VAT1L: variants seen among roughly 807,000 people sequenced by gnomAD.
The protein encoded by VAT1L is putative NADPH-dependent quinone oxidoreductase VAT1L.
In VAT1L, 34 loss-of-function variants were observed where a neutral mutation model predicts 44.1. That is an observed-to-expected ratio of 0.77 (90% CI 0.59 to 1.03). The LOEUF is 1.03. Among genes scored for constraint, VAT1L ranks in the 50% least tolerant of loss-of-function variants. The pLI, the probability that VAT1L is intolerant of heterozygous loss-of-function variation, is 0.00. For synonymous variants in VAT1L, 253 were observed against 202.2 expected (o/e 1.25, Z -2.13); for missense variants, 615 against 538.8 (o/e 1.14, Z -1.40).
Position 77,850,679 on chromosome 16 carries a change from C to T in VAT1L, c.580-12069C>T, listed in dbSNP as rs182557941. Among the ~76,000 whole-genome samples the T allele has an allele frequency of 6.6e-5, 10 of 151,822 alleles. No homozygotes were observed. In the East Asian group the frequency reaches 1.2e-3, roughly 18 times the overall value. Reference sequence around the variant, plus strand: ...TTTGTTTTCTTTTGGTTGAAAGAGACGCATTTATCAAAACCACAACTTCAA... The same window carrying T: ...TTTGTTTTCTTTTGGTTGAAAGAGATGCATTTATCAAAACCACAACTTCAA... On this transcript the variant is annotated intron_variant, in intron 3 of 8. Transcript: ENST00000302536.
intron 3 of VAT1L, among the ~76,000 whole-genome samples, chr16:77,843,153 C>T (rs78644833): frequency 6.6e-6 from 1 of 152,320 alleles, no homozygotes; most frequent in East Asian, 1.9e-4. Flanking sequence ...AAGGGGACAG[C>T]AGGTACGGGT....
chr16:77,903,695 A>G (rs2017408358), intron 7 of VAT1L, among the ~76,000 whole-genome samples: 1 of 148,272 alleles, frequency 6.7e-6, no homozygotes, highest in Non-Finnish European at 1.5e-5. Flanking sequence ...TTTTAAAATT[A>G]TTAGGTTGGT....
chr16:77,805,651 C>G (rs2145220573), intron 1 of VAT1L, among the ~76,000 whole-genome samples: 1 of 151,086 alleles, frequency 6.6e-6, no homozygotes. Context: ...GGTTAAAGTT[C>G]CGAGGCAGAG....
chr16:77,920,062 C>T (rs2017595220), intron 7 of VAT1L, among the ~76,000 whole-genome samples: 1 of 152,036 alleles, frequency 6.6e-6, no homozygotes, highest in African/African-American at 2.4e-5. Flanking sequence ...CCAGCCTGGG[C>T]TACAAAGACT....
At chr16:77,855,744 A>G (rs1402988813) in intron 3 of VAT1L, among the ~76,000 whole-genome samples, 2 of 152,172 alleles carry the variant, frequency 1.3e-5, no homozygotes, top group African/African-American at 4.8e-5. Context: ...CTCATTATAT[A>G]GCACTGTAGT....
At chr16:77,958,806 T>C (rs1597121459) in intron 7 of VAT1L, among the ~76,000 whole-genome samples, 1 of 152,208 alleles carries the variant, frequency 6.6e-6, no homozygotes, top group Non-Finnish European at 1.5e-5. Context: ...CCTTGCTTTT[T>C]GCTTTCTCTT....
chr16:77,911,433 C>A (rs1389778553), intron 7 of VAT1L, among the ~76,000 whole-genome samples: 1 of 152,152 alleles, frequency 6.6e-6, no homozygotes, highest in Non-Finnish European at 1.5e-5. Flanking sequence ...TTCATAAAAA[C>A]AGGCCCCTGC....
chr16:77,814,768 C>T (rs545191780), intron 1 of VAT1L, among the ~76,000 whole-genome samples: 3 of 152,146 alleles, frequency 2.0e-5, no homozygotes, highest in Non-Finnish European at 2.9e-5. Flanking sequence ...GTCAGAAAAT[C>T]GGCCATTTTA....
chr16:77,910,288 G>A (rs1011805137), intron 7 of VAT1L, among the ~76,000 whole-genome samples: 1 of 152,266 alleles, frequency 6.6e-6, no homozygotes, highest in East Asian at 1.9e-4. Context: ...CAGATGTCCA[G>A]TTAAAGCTAA....
At chr16:77,928,896 A>C (rs2017698327) in intron 7 of VAT1L, among the ~76,000 whole-genome samples, 1 of 152,210 alleles carries the variant, frequency 6.6e-6, no homozygotes, top group East Asian at 1.9e-4. Context: ...AGCTCACTGC[A>C]ACCTCCCCTT....
intron 3 of VAT1L, among the ~76,000 whole-genome samples, chr16:77,854,776 G>A (rs2016841308): frequency 6.6e-6 from 1 of 152,108 alleles, no homozygotes; most frequent in African/African-American, 2.4e-5. Context: ...CTACATTAAT[G>A]ATCTGTGGTT....
intron 3 of VAT1L, among the ~76,000 whole-genome samples, chr16:77,844,789 C>G (rs770163783): frequency 7.9e-5 from 12 of 152,212 alleles, no homozygotes; most frequent in African/African-American, 2.9e-4. Flanking sequence ...CACAAGGATA[C>G]TGGGGATGGC....
intron 3 of VAT1L, among the ~76,000 whole-genome samples, chr16:77,839,237 A>AGAAT (rs2145257827): frequency 6.6e-6 from 1 of 152,110 alleles, no homozygotes; most frequent in South Asian, 2.1e-4. Context: ...CAGTGTTTTA[A>AGAAT]GAATGGGCAA....
chr16:77,824,746 A>C (rs1422431246), intron 2 of VAT1L, among the ~76,000 whole-genome samples: 1 of 125,188 alleles, frequency 8.0e-6, no homozygotes, highest in African/African-American at 2.9e-5. Flanking sequence ...ACAGAGCGAG[A>C]CTCCATCTCA....
intron 7 of VAT1L, among the ~76,000 whole-genome samples, chr16:77,948,270 T>C (rs1407583271): frequency 6.6e-6 from 1 of 152,154 alleles, no homozygotes; most frequent in Non-Finnish European, 1.5e-5. Flanking sequence ...GCCTGGCACA[T>C]AGTAGGTGGA....
chr16:77,823,510 G>A (rs973509948), intron 2 of VAT1L, among the ~76,000 whole-genome samples: 1 of 152,208 alleles, frequency 6.6e-6, no homozygotes, highest in East Asian at 1.9e-4. Context: ...TCATTGTGAT[G>A]TCATGGAAAA....
At chr16:77,892,501 C>G in intron 7 of VAT1L, 1 of 550,862 alleles carries the variant, frequency 1.8e-6, no homozygotes, top group South Asian at 1.4e-5. Context: ...TGTTTGCAGA[C>G]AAGTTTCCAA....
chr16:77,826,531 G>C (rs1043848263), intron 3 of VAT1L, among the ~76,000 whole-genome samples: 10 of 152,328 alleles, frequency 6.6e-5, no homozygotes, highest in African/African-American at 2.4e-4. Context: ...CATCTGTCAG[G>C]TGTGTCTCTG....
intron 1 of VAT1L, among the ~76,000 whole-genome samples, chr16:77,814,582 G>A (rs1197420619): frequency 2.6e-5 from 4 of 152,204 alleles, no homozygotes; most frequent in African/African-American, 9.6e-5. Context: ...CATGTTTGCA[G>A]AAATGGCAAC....
Sources: allele counts gnomAD v4.1 joint callset (sites outside exome capture counted in the v4.1 genomes callset), GRCh38; gene constraint gnomAD v4.1.1; transcripts MANE v1.5; gene names NCBI Gene and HGNC (gene_info 2026-07-23, HGNC 2026-07-21).